The following MICAL3 variants were observed in gnomAD, a reference collection of about 807,000 sequenced individuals.
MICAL3 encodes the protein [F-actin]-monooxygenase MICAL3.
Under a neutral mutation model 207.4 loss-of-function variants are expected in MICAL3, and 62 were observed. The ratio of observed to expected loss-of-function variants is 0.30; its 90% confidence interval spans 0.24 to 0.37. MICAL3 has a LOEUF of 0.37. Ranked by LOEUF, MICAL3 falls within the 10% of genes least tolerant of loss-of-function variation. The pLI, the probability that MICAL3 is intolerant of heterozygous loss-of-function variation, is 1.00. For synonymous variants in MICAL3, 1,077 were observed against 1,069.3 expected (o/e 1.01, Z -0.14); for missense variants, 2,368 against 2,635.6 (o/e 0.90, Z 2.22).
chr22:17,836,383 G>A (rs111632347), intron 20 of MICAL3, among the ~76,000 whole-genome samples: 39 of 152,376 alleles, frequency 2.6e-4, no homozygotes, highest in African/African-American at 8.4e-4. Context: ...CGAAGCCTAA[G>A]GAAGTTGGGT....
rs1168979228 is a variant in MICAL3 at position 17,891,583 on chromosome 22, T to G, written c.1596A>C (p.Thr532=). 5 of 1,614,056 alleles carry G rather than the reference T, an allele frequency of 3.1e-6. No homozygotes were observed. The Admixed American group carries it at 5.0e-5, about 16-fold the overall frequency. ...TCACGTTTACCCCTGCATAGCCATC[T>G]GTCTGCCTCTGGCACCAACCCAGCA... The part of the protein sequence containing the change: ...SKLLGWCQRQ[T]DGYAGVNVTD... The change falls in exon 12 of 32, where the codon ACA becomes ACC. Residue 532 remains threonine, a synonymous_variant. Transcript: ENST00000441493.
At chr22:17,961,725 C>A (rs1047357355) in intron 1 of MICAL3, among the ~76,000 whole-genome samples, 1 of 152,170 alleles carries the variant, frequency 6.6e-6, no homozygotes. Flanking sequence ...ACAAGGCCTG[C>A]ACCCCTAACC....
chr22:17,859,810 A>AT (rs1926320471), intron 19 of MICAL3, among the ~76,000 whole-genome samples: 1 of 151,980 alleles, frequency 6.6e-6, no homozygotes, highest in Non-Finnish European at 1.5e-5. Context: ...TCTGTGTGGC[A>AT]TTTCTACCCC....
intron 1 of MICAL3, among the ~76,000 whole-genome samples, chr22:17,964,033 A>G (rs1426399975): frequency 6.6e-6 from 1 of 152,240 alleles, no homozygotes; most frequent in Non-Finnish European, 1.5e-5. Context: ...CATTAAGGTA[A>G]TAACAGAGAG....
intron 7 of MICAL3, among the ~76,000 whole-genome samples, chr22:17,897,221 G>A (rs866985190): frequency 6.6e-6 from 1 of 151,980 alleles, no homozygotes; most frequent in Non-Finnish European, 1.5e-5. Context: ...ACGTGACTTC[G>A]AGACCAGCCT....
At chr22:17,876,660 G>C (rs142036059) in intron 16 of MICAL3, 2 of 152,476 alleles carry the variant, frequency 1.3e-5, no homozygotes, top group Non-Finnish European at 2.9e-5. Flanking sequence ...GGGTAGGACT[G>C]GGTAGAGGTG....
intron 1 of MICAL3, among the ~76,000 whole-genome samples, chr22:17,914,906 T>C (rs1932383452): frequency 6.6e-6 from 1 of 152,206 alleles, no homozygotes; most frequent in South Asian, 2.1e-4. Flanking sequence ...AATCACCTAA[T>C]ACTACTCCAT....
chr22:17,969,384 G>A (rs909423873), intron 1 of MICAL3, among the ~76,000 whole-genome samples: 14 of 152,208 alleles, frequency 9.2e-5, no homozygotes, highest in South Asian at 4.1e-4. Context: ...TCTAAGGGAC[G>A]AGAAAGAAAT....
At position 17,805,466 on chromosome 22, in the gene MICAL3, G is replaced by C. The variant is rs180982555; in HGVS notation, c.5650+3378C>G. On this transcript the variant is annotated intron_variant, in intron 29 of 31. Coordinates refer to ENST00000441493, the MANE Select transcript of MICAL3 (RefSeq NM_015241.3). The stretch of plus-strand genomic sequence containing the variant: ...AACCATAATTCCTGAAAATTCCAGA[G>C]AGTTTCTCAAATGCATCACAACGAA... Among the ~76,000 whole-genome samples the C allele has an allele frequency of 1.7e-3, 259 of 152,332 alleles. 1 individual carries two copies. Among genetic ancestry groups the C allele is most frequent in the Non-Finnish European group, 2.6e-3 (175 of 68,036 alleles).
rs4819475 is a variant in MICAL3, at chr22:17,900,470, A to C, written c.847+372T>G. Reference sequence around the variant, plus strand: ...ACGAAAAATTAGCCAGGCATGGTGGAGCTTGCCTGTAGTCCCAGCTACTCA... The same window carrying C: ...ACGAAAAATTAGCCAGGCATGGTGGCGCTTGCCTGTAGTCCCAGCTACTCA... On this transcript the variant is annotated intron_variant, in intron 6 of 31. Transcript: ENST00000441493. The surrounding 1 kb of genome is among the most constrained non-coding windows in gnomAD (Gnocchi z 4.0). Among the ~76,000 whole-genome samples the C allele has an allele frequency of 0.5, 76,270 of 151,780 alleles. 19,485 individuals carry two copies. The highest frequency in any genetic ancestry group is 0.62 in the East Asian group (3,180 of 5,134).
At chr22:17,929,265 ATTTTT>A (rs71201889) in intron 1 of MICAL3, among the ~76,000 whole-genome samples, 3 of 133,480 alleles carry the variant, frequency 2.2e-5, no homozygotes, top group Non-Finnish European at 3.2e-5. Context: ...CGCCTGGCTA[ATTTTT>A]TTTTTTTTTT....
At chr22:17,973,541 C>G (rs973581097) in intron 1 of MICAL3, among the ~76,000 whole-genome samples, 1 of 152,122 alleles carries the variant, frequency 6.6e-6, no homozygotes, top group Non-Finnish European at 1.5e-5. Context: ...ACTGTGGAAC[C>G]GGGGTGGCAG....
At position 17,842,095 on chromosome 22, in the gene MICAL3, T is replaced by C. The variant is rs144986363; in HGVS notation, c.2606-78A>G. ...TGGGGGTGGGGGCTGACACCCAGGC[T>C]GCAGGCCCTCCTGCCAGAATGTGGG... is the stretch of plus-strand genomic sequence containing the variant. On this transcript the variant is annotated intron_variant, in intron 19 of 31. Transcript: ENST00000441493. 7.6e-5 allele frequency: 105 copies of C among 1,378,420 alleles called. 1 individual carries two copies. In the African/African-American group the frequency reaches 1.2e-3, roughly 16 times the overall value. The allele number at this position is 1,378,420 out of a possible 1,614,324, so 85.4% of individuals were successfully genotyped here.
rs1000670751 is a variant in MICAL3, at chr22:17,974,668, G to A, written c.-75+49613C>T. ...GAACCTGGTAGACAGAGGTTGTAGT[G>A]AGCCGAGATGGCACCACTGCACTCC... On this transcript the variant is annotated intron_variant, in intron 1 of 31. Transcript: ENST00000441493. 6.7e-5 allele frequency among the ~76,000 whole-genome samples: 10 copies of A among 149,790 alleles called. No homozygotes were observed. The South Asian group carries it at 1.5e-3, about 22-fold the overall frequency.
chr22:17,862,708 C>G lies in MICAL3; in HGVS notation c.2605+2191G>C. ...TAAAATACTGCCCATAATCCTGTTCCTTTTCTACCAAGGCTAGCAGCAGAG... is the reference window on the plus strand; with the variant it reads ...TAAAATACTGCCCATAATCCTGTTCGTTTTCTACCAAGGCTAGCAGCAGAG... On this transcript the variant is annotated intron_variant, in intron 19 of 31. Transcript: ENST00000441493. 4.1e-6 allele frequency: 4 copies of G among 985,436 alleles called. No individual in the cohort carries two copies. The South Asian group carries it at 1.4e-4, about 35-fold the overall frequency. 61.0% of individuals were successfully genotyped at this position (985,436 alleles called of 1,614,324 possible). A position where few individuals can be genotyped will look rare whatever the true frequency, so the allele number is the denominator to read the frequency against.
chr22:17,931,033 T>A (rs1432938755), intron 1 of MICAL3, among the ~76,000 whole-genome samples: 3 of 152,216 alleles, frequency 2.0e-5, no homozygotes, highest in Non-Finnish European at 4.4e-5. Context: ...GTTCCGGGCA[T>A]CCCTGTGAGC....
intron 1 of MICAL3, among the ~76,000 whole-genome samples, chr22:17,996,991 T>C (rs1602375794): frequency 1.3e-5 from 2 of 151,372 alleles, no homozygotes; most frequent in African/African-American, 4.8e-5. Context: ...TCATTTCCTC[T>C]GTCCACAAAC....
chr22:17,899,161 C>T (rs1931113804), intron 7 of MICAL3, among the ~76,000 whole-genome samples: 1 of 152,190 alleles, frequency 6.6e-6, no homozygotes, highest in African/African-American at 2.4e-5. Flanking sequence ...AAGGAGTGCA[C>T]AGAAATATTA....
intron 1 of MICAL3, among the ~76,000 whole-genome samples, chr22:17,993,405 C>T (rs1197266904): frequency 3.9e-5 from 6 of 152,164 alleles, no homozygotes; most frequent in Non-Finnish European, 7.3e-5. Flanking sequence ...TGTCCTAATG[C>T]TCTCCCTCCA....
Sources: gnomAD v4.1 joint callset for allele counts (sites outside exome capture counted in the v4.1 genomes callset) on GRCh38, gnomAD v4.1.1 for gene constraint, Gnocchi (gnomAD v3.1) non-coding constraint, MANE v1.5 for transcripts, NCBI Gene and HGNC (gene_info 2026-07-23, HGNC 2026-07-21) for gene names.